The following COL19A1 variants were observed in gnomAD, a reference collection of about 807,000 sequenced individuals.
COL19A1 encodes collagen alpha-1(XIX) chain.
A neutral mutation model predicts 190.2 loss-of-function variants in COL19A1; 159 were observed. The observed-to-expected ratio is 0.84, with a 90% CI of 0.73 to 0.95. COL19A1 has a LOEUF of 0.95. Among genes scored for constraint, COL19A1 ranks in the 40% least tolerant of loss-of-function variants. The pLI is 0.00. For synonymous variants in COL19A1, 509 were observed against 458.9 expected (o/e 1.11, Z -1.39); for missense variants, 1,418 against 1,431.9 (o/e 0.99, Z 0.16).
In COL19A1 at chr6:70,174,675, C is replaced by T. The variant is rs532849231; in HGVS notation, c.2623-1845C>T. On this transcript the variant is annotated intron_variant, in intron 41 of 50. Coordinates refer to ENST00000620364, the MANE Select transcript of COL19A1 (RefSeq NM_001858.6). ...GATTTCAACAATGTTCTGCTTTTGA[C>T]GGTGAGTACTGGACGGAAGAATGGG... Among the ~76,000 whole-genome samples the T allele has an allele frequency of 3.9e-5, 6 of 152,166 alleles. No homozygotes were observed. In the South Asian group the frequency reaches 8.3e-4, roughly 21 times the overall value.
chr6:69,889,926 G>C (rs556953137), intron 2 of COL19A1: 14 of 152,126 alleles, frequency 9.2e-5, no homozygotes, highest in African/African-American at 2.9e-4. Context: ...AGTAAATCTC[G>C]CTGCTGCTCA....
chr6:70,182,884 TA>T (rs1454348024), intron 44 of COL19A1, among the ~76,000 whole-genome samples: 1 of 152,100 alleles, frequency 6.6e-6, no homozygotes, highest in Admixed American at 6.5e-5. Context: ...GAATTGGTCT[TA>T]ACTAGGAACA....
At chr6:69,957,541 T>C (rs895625969) in intron 9 of COL19A1, among the ~76,000 whole-genome samples, 3 of 152,050 alleles carry the variant, frequency 2.0e-5, no homozygotes, top group South Asian at 2.1e-4. Flanking sequence ...AGTCCTTTCA[T>C]AGAAAACCCC....
intron 11 of COL19A1, among the ~76,000 whole-genome samples, chr6:69,989,164 C>T (rs920090705): frequency 1.3e-5 from 2 of 152,028 alleles, no homozygotes; most frequent in Non-Finnish European, 2.9e-5. Flanking sequence ...GTTTTTTACC[C>T]ACTAATTTTT....
intron 2 of COL19A1, chr6:69,890,419 C>T (rs1294015298): frequency 6.6e-6 from 1 of 152,180 alleles, no homozygotes; most frequent in Non-Finnish European, 1.5e-5. Context: ...CTCCTCCCTA[C>T]ATTCAATCCC....
At position 69,879,654 on chromosome 6, in the gene COL19A1, G is replaced by T. The variant is rs186882514; in HGVS notation, c.87G>T (p.Lys29Asn). 3.7e-6 allele frequency: 6 copies of T among 1,614,056 alleles called. No homozygotes were observed. Among genetic ancestry groups the T allele is most frequent in the Non-Finnish European group, 4.2e-6 (5 of 1,179,976 alleles). The part of the protein sequence containing the change: ...PASTSVTVRD[K>N]TEESCPILRI... Reference sequence around the variant, plus strand: ...CCACTTCCGTGACCGTTAGGGACAAGACAGGTATCCAGGCCAACTCTTTGC... The same window carrying T: ...CCACTTCCGTGACCGTTAGGGACAATACAGGTATCCAGGCCAACTCTTTGC... The change falls in exon 2 of 51, where the codon AAG (lysine) becomes AAT (asparagine). Residue 29 changes from lysine to asparagine, a missense_variant. Physicochemically the swap from Lys to Asn is moderately conservative, Grantham distance 94. Coordinates refer to ENST00000620364, the MANE Select transcript of COL19A1 (RefSeq NM_001858.6).
intron 15 of COL19A1, among the ~76,000 whole-genome samples, chr6:70,069,128 G>A (rs1161168573): frequency 6.6e-6 from 1 of 151,968 alleles, no homozygotes; most frequent in African/African-American, 2.4e-5. Context: ...AAAAAATCTT[G>A]TGTGTTCTTT....
intron 11 of COL19A1, among the ~76,000 whole-genome samples, chr6:69,996,230 G>T (rs995705332): frequency 2.0e-5 from 3 of 152,024 alleles, no homozygotes; most frequent in African/African-American, 7.2e-5. Flanking sequence ...AATCACAAAG[G>T]ATAATAATAG....
At chr6:69,910,010 G>A (rs1337092083) in intron 4 of COL19A1, among the ~76,000 whole-genome samples, 1 of 152,140 alleles carries the variant, frequency 6.6e-6, no homozygotes, top group Non-Finnish European at 1.5e-5. Flanking sequence ...CTGACACACA[G>A]TGGTGTTTAG....
intron 9 of COL19A1, among the ~76,000 whole-genome samples, chr6:69,956,912 G>A (rs746609209): frequency 4.6e-5 from 7 of 152,028 alleles, no homozygotes; most frequent in Non-Finnish European, 1.0e-4. Context: ...GTTATAATAG[G>A]ATCTCGGACA....
chr6:70,158,034 C>T (rs552562298), intron 34 of COL19A1, among the ~76,000 whole-genome samples: 78 of 152,194 alleles, frequency 5.1e-4, no homozygotes, highest in African/African-American at 1.5e-3. Context: ...AATTCTGTAA[C>T]ACAGTTCACA....
At chr6:69,916,754 G>A (rs986224583) in intron 4 of COL19A1, among the ~76,000 whole-genome samples, 6 of 152,038 alleles carry the variant, frequency 3.9e-5, no homozygotes, top group Admixed American at 6.6e-5. Flanking sequence ...TATGAAAATA[G>A]AGACATTTTT....
chr6:70,203,403 A>T (rs1486845429), intron 49 of COL19A1, among the ~76,000 whole-genome samples: 2 of 152,142 alleles, frequency 1.3e-5, no homozygotes, highest in African/African-American at 4.8e-5. Flanking sequence ...AGCACTTGTG[A>T]TGTATAGATT....
At chr6:70,200,909 A>G (rs1767508277) in intron 49 of COL19A1, among the ~76,000 whole-genome samples, 1 of 152,180 alleles carries the variant, frequency 6.6e-6, no homozygotes, top group Admixed American at 6.5e-5. Flanking sequence ...TTTTTAAACG[A>G]TACATATATT....
At chr6:69,984,926 G>T (rs1301666980) in intron 11 of COL19A1, among the ~76,000 whole-genome samples, 1 of 152,094 alleles carries the variant, frequency 6.6e-6, no homozygotes, top group African/African-American at 2.4e-5. Context: ...TCATTTTAAA[G>T]AAATAATTAA....
At chr6:70,098,314 A>G (rs1264801800) in intron 15 of COL19A1, 3 of 423,716 alleles carry the variant, frequency 7.1e-6, no homozygotes, top group South Asian at 1.9e-5. Context: ...AGTAAAATTC[A>G]CCCTACCAAA....
chr6:70,068,640 G>C (rs917443635), intron 15 of COL19A1, among the ~76,000 whole-genome samples, 164 bp downstream of exon 15: 1 of 151,860 alleles, frequency 6.6e-6, no homozygotes, highest in Admixed American at 6.6e-5. Context: ...CAGAGGTTTT[G>C]CAATTCAGAA....
At chr6:69,938,266 T>G (rs1773238402) in intron 9 of COL19A1, among the ~76,000 whole-genome samples, 166 bp downstream of exon 9, 1 of 152,128 alleles carries the variant, frequency 6.6e-6, no homozygotes, top group Admixed American at 6.6e-5. Flanking sequence ...CTATCAGCAT[T>G]CTAGTCAGCT....
chr6:70,185,653 A>G (rs1766466544), intron 46 of COL19A1, among the ~76,000 whole-genome samples: 1 of 152,226 alleles, frequency 6.6e-6, no homozygotes, highest in Non-Finnish European at 1.5e-5. Context: ...TTCTACTAGA[A>G]TTAACTTCTA....
Sources: gnomAD v4.1 joint callset for allele counts (sites outside exome capture counted in the v4.1 genomes callset) on GRCh38, gnomAD v4.1.1 for gene constraint, MANE v1.5 for transcripts, NCBI Gene and HGNC (gene_info 2026-07-23, HGNC 2026-07-21) for gene names.